The following GCN1 variants were observed in gnomAD, a reference collection of about 807,000 sequenced individuals.
GCN1 encodes the protein GCN1 activator of EIF2AK4.
Under a neutral mutation model 288.4 loss-of-function variants are expected in GCN1, and 90 were observed. The observed-to-expected ratio is 0.31, with a 90% CI of 0.26 to 0.37. The LOEUF is 0.37. Ranked by LOEUF, GCN1 falls within the 10% of genes least tolerant of loss-of-function variation. The probability of loss-of-function intolerance (pLI) is 1.00; values close to 1 mark genes in which losing one functional copy is unlikely to be tolerated. For missense variants in GCN1, 2,586 were observed against 3,419.9 expected (o/e 0.76, Z 6.08); for synonymous variants, 1,386 against 1,420.2 (o/e 0.98, Z 0.54).
rs993830436 is a variant in GCN1 at position 120,142,958 on chromosome 12, C to A, written c.5496-17G>T. On this transcript the variant is annotated splice_polypyrimidine_tract_variant and intron_variant, in intron 42 of 57. Transcript: ENST00000300648. This position sits in a 1 kb window ranked among gnomAD's most constrained non-coding sequence, Gnocchi z 4.9. ...GAGCTGAACCTGAGAAGGAGGCCAA[C>A]AACACAGTCACACAGCTGCAAGGAG... The A allele has an allele frequency of 2.0e-6, 3 of 1,468,482 alleles. No homozygotes were observed. The highest frequency in any genetic ancestry group is 2.8e-5 in the African/African-American group (2 of 72,176). The allele number at this position is 1,468,482 out of a possible 1,614,324, so 91.0% of individuals were successfully genotyped here. A position where few individuals can be genotyped will look rare whatever the true frequency, so the allele number is the denominator to read the frequency against.
chr12:120,150,297 T>C (rs939565994), intron 34 of GCN1, among the ~76,000 whole-genome samples: 1 of 151,992 alleles, frequency 6.6e-6, no homozygotes, highest in African/African-American at 2.4e-5. Flanking sequence ...GCACTAACAG[T>C]TAAAAAAGCC....
chr12:120,158,714 T>C lies in GCN1; in HGVS notation c.2750-99A>G, dbSNP rs1877831612. 2.6e-5 allele frequency: 28 copies of C among 1,061,980 alleles called. No homozygotes were observed. The highest frequency in any genetic ancestry group is 3.6e-5 in the Non-Finnish European group (27 of 744,360). 65.8% of individuals were successfully genotyped at this position (1,061,980 alleles called of 1,614,324 possible). A position where few individuals can be genotyped will look rare whatever the true frequency, so the allele number is the denominator to read the frequency against. On this transcript the variant is annotated intron_variant, in intron 24 of 57. Coordinates refer to ENST00000300648, the MANE Select transcript of GCN1 (RefSeq NM_006836.2). The surrounding 1 kb of genome is among the most constrained non-coding windows in gnomAD (Gnocchi z 4.3). ...GACCCAGTGCCTCATCCTTCTGACT[T>C]AAAAAAATATTTCTGCGGCTGGGCG...
At position 120,153,111 on chromosome 12, in the gene GCN1, G is replaced by A; in HGVS notation, c.4062+102C>T. Reference sequence around the variant, plus strand: ...TCCTTAACAAGAACTGGGCTTTCAGGGCCCTGATTGTCCAACTCCACCCCT... The same window carrying A: ...TCCTTAACAAGAACTGGGCTTTCAGAGCCCTGATTGTCCAACTCCACCCCT... On this transcript the variant is annotated intron_variant, in intron 33 of 57. Coordinates refer to ENST00000300648, the MANE Select transcript of GCN1 (RefSeq NM_006836.2). This position sits in a 1 kb window ranked among gnomAD's most constrained non-coding sequence, Gnocchi z 4.4. 5.4e-6 allele frequency: 5 copies of A among 924,432 alleles called. No individual in the cohort carries two copies. In the South Asian group the frequency reaches 6.5e-5, roughly 12 times the overall value. The allele number at this position is 924,432 out of a possible 1,614,324, so 57.3% of individuals were successfully genotyped here.
rs59527558 is a variant in GCN1 at position 120,178,386 on chromosome 12, G to A, written c.660+239C>T. On this transcript the variant is annotated intron_variant, in intron 7 of 57. Coordinates refer to ENST00000300648, the MANE Select transcript of GCN1 (RefSeq NM_006836.2). ...GCAGCCACTAAATTGGGATGAATAA[G>A]TGACTGCATGAACAAGCAAACTATC... Among the ~76,000 whole-genome samples, 260 of 145,790 alleles carry A rather than the reference G, an allele frequency of 1.8e-3. 4 individuals are homozygous for A. In the East Asian group the frequency reaches 0.045, roughly 25 times the overall value.
intron 16 of GCN1, among the ~76,000 whole-genome samples, 163 bp from the exon 17 acceptor site, chr12:120,164,884 T>C (rs531820403): frequency 1.3e-4 from 19 of 150,536 alleles, no homozygotes; most frequent in Non-Finnish European, 2.7e-4. Flanking sequence ...TTTTTGCTTA[T>C]GCACACATGT....
At chr12:120,157,402 A>C (rs188290522) in intron 26 of GCN1, among the ~76,000 whole-genome samples, 195 of 152,372 alleles carry the variant, frequency 1.3e-3, no homozygotes, top group Non-Finnish European at 2.4e-3. Flanking sequence ...TATGCCATAT[A>C]ATCTAGTAAT....
rs779711665 is a variant in GCN1 at position 120,137,259 on chromosome 12, T to C, written c.6724A>G (p.Ile2242Val). The part of the protein sequence containing the change: ...IEELHKEIRL[I>V]GNESKGEHVP... Reference sequence around the variant, plus strand: ...TGCTCGCCTTTGCTCTCGTTCCCTATGAGCCGGATTTCCTTGTGCAGCTCT... The same window carrying C: ...TGCTCGCCTTTGCTCTCGTTCCCTACGAGCCGGATTTCCTTGTGCAGCTCT... The change falls in exon 50 of 58, where the codon ATA becomes GTA. Residue 2242 changes from isoleucine (I) to valine (V), a missense_variant. This residue lies in a region of GCN1 where 437 missense variants were observed against 570.5 expected (regional missense o/e 0.77). Transcript: ENST00000300648. This position sits in a 1 kb window ranked among gnomAD's most constrained non-coding sequence, Gnocchi z 5.2. The C allele has an allele frequency of 6.2e-7, 1 of 1,614,186 alleles. No homozygotes were observed. Among genetic ancestry groups the C allele is most frequent in the Non-Finnish European group, 8.5e-7 (1 of 1,180,044 alleles).
At chr12:120,163,985 C>T (rs1021335762) in intron 18 of GCN1, among the ~76,000 whole-genome samples, 5 of 152,092 alleles carry the variant, frequency 3.3e-5, no homozygotes, top group Admixed American at 6.6e-5. Flanking sequence ...AAAAAATTAG[C>T]GGCCACTGCA....
intron 20 of GCN1, among the ~76,000 whole-genome samples, chr12:120,162,606 A>G (rs951463929): frequency 6.6e-6 from 1 of 152,200 alleles, no homozygotes; most frequent in African/African-American, 2.4e-5. Flanking sequence ...ATCACCTACA[A>G]TGTTCCAAGG....
intron 3 of GCN1, 122 bp downstream of exon 3, chr12:120,184,702 G>A (rs1199603257): frequency 1.5e-5 from 11 of 753,126 alleles, no homozygotes; most frequent in African/African-American, 1.7e-5. Context: ...CTAATGGCTA[G>A]GATGTGACAT....
chr12:120,132,694 T>C (rs920334564), intron 53 of GCN1, among the ~76,000 whole-genome samples: 1 of 152,212 alleles, frequency 6.6e-6, no homozygotes, highest in East Asian at 1.9e-4. Flanking sequence ...CAGCTAACTA[T>C]GGAATACCAA....
At position 120,176,186 on chromosome 12, in the gene GCN1, A is replaced by G. The variant is rs763229009; in HGVS notation, c.870T>C (p.Leu290=). The G allele has an allele frequency of 1.9e-6, 3 of 1,612,392 alleles. No individual in the cohort carries two copies. The highest frequency in any genetic ancestry group is 2.2e-5 in the South Asian group (2 of 91,042). Residue 290 remains leucine (L), a synonymous_variant, in exon 10 of 58, where the codon CTT becomes CTC. Coordinates refer to ENST00000300648, the MANE Select transcript of GCN1 (RefSeq NM_006836.2). ...TISSLLASVT[L]DLSQYAMDIV... ...TGTCCATGGCATACTGGCTGAGGTC[A>G]AGCGTCACTGATGCCAGCAGACTAG... is the stretch of plus-strand genomic sequence containing the variant.
rs115586635 is a variant in GCN1 at position 120,167,674 on chromosome 12, T to C, written c.1612+534A>G. Among the ~76,000 whole-genome samples, 808 of 152,278 alleles carry C rather than the reference T, an allele frequency of 5.3e-3. 7 individuals carry two copies. Among genetic ancestry groups the C allele is most frequent in the African/African-American group, 0.018 (766 of 41,530 alleles). On this transcript the variant is annotated intron_variant, in intron 16 of 57. Coordinates refer to ENST00000300648, the MANE Select transcript of GCN1 (RefSeq NM_006836.2). ...TTTTCAAAATTTAGCTAAAAATTTTTCTAAAACCAGGAAATGACTAACAGT... is the reference window on the plus strand; with the variant it reads ...TTTTCAAAATTTAGCTAAAAATTTTCCTAAAACCAGGAAATGACTAACAGT...
Position 120,156,739 on chromosome 12 carries a change from A to G in GCN1, c.3169-135T>C. On this transcript the variant is annotated intron_variant, in intron 27 of 57. Transcript: ENST00000300648. The surrounding 1 kb of genome is among the most constrained non-coding windows in gnomAD (Gnocchi z 5.8). ...GACCCCAGCTCCAGTGGCAGGACCC[A>G]AGCAAAACCCCTCACTAGCTAACAA... is the stretch of plus-strand genomic sequence containing the variant. 1.0e-6 allele frequency: 1 copy of G among 981,098 alleles called. No individual in the cohort carries two copies. The allele number at this position is 981,098 out of a possible 1,614,324, so 60.8% of individuals were successfully genotyped here.
chr12:120,172,109 C>T (rs1196193193), intron 14 of GCN1, among the ~76,000 whole-genome samples: 2 of 152,176 alleles, frequency 1.3e-5, no homozygotes, highest in African/African-American at 4.8e-5. Flanking sequence ...AGCAATCCTC[C>T]CACCTCAGCC....
Position 120,151,258 on chromosome 12 carries a change from T to A in GCN1, c.4196A>T (p.Tyr1399Phe). The change falls in exon 34 of 58, where the codon TAT becomes TTT. Residue 1399 changes from tyrosine to phenylalanine, a missense_variant. Physicochemically the swap from Tyr to Phe is conservative, Grantham distance 22. Around this residue, in one of 8 missense-constraint regions of GCN1, gnomAD observed 332 missense variants for 403.0 expected, o/e 0.82. Coordinates refer to ENST00000300648, the MANE Select transcript of GCN1 (RefSeq NM_006836.2). ...DKYAERKGAA[Y>F]GLAGLVKGLG... is the part of the protein sequence containing the mutation. ...GCCCTTCACCAGGCCCGCCAGGCCATAGGCGGCCCCTTTGCGCTCTGCGTA... is the reference window on the plus strand; with the variant it reads ...GCCCTTCACCAGGCCCGCCAGGCCAAAGGCGGCCCCTTTGCGCTCTGCGTA... 6.2e-7 allele frequency: 1 copy of A among 1,614,208 alleles called. No homozygotes were observed. The highest frequency in any genetic ancestry group is 8.5e-7 in the Non-Finnish European group (1 of 1,180,020).
At chr12:120,133,128 C>T (rs1311431711) in intron 53 of GCN1, among the ~76,000 whole-genome samples, 3 of 152,100 alleles carry the variant, frequency 2.0e-5, no homozygotes, top group Admixed American at 2.0e-4. Flanking sequence ...CGCCTGGGGA[C>T]CAGAACTAGG....
intron 51 of GCN1, among the ~76,000 whole-genome samples, chr12:120,135,078 G>C (rs1433348944): frequency 2.0e-5 from 3 of 152,150 alleles, no homozygotes; most frequent in African/African-American, 7.2e-5. Flanking sequence ...TAACAAGCAG[G>C]GCAGACTATC....
In GCN1 at chr12:120,153,489, G is replaced by T. The variant is rs1234639059; in HGVS notation, c.3868-82C>A. 2 of 1,282,172 alleles carry T rather than the reference G, an allele frequency of 1.6e-6. No homozygotes were observed. The highest frequency in any genetic ancestry group is 2.2e-6 in the Non-Finnish European group (2 of 917,756). 79.4% of individuals were successfully genotyped at this position (1,282,172 alleles called of 1,614,324 possible). ...CAACAGTCCCTGCCCTGAGGACCAA[G>T]ACCAAGTCTAGCTCTGGGACAGGCA... On this transcript the variant is annotated intron_variant, in intron 32 of 57. Transcript: ENST00000300648. The surrounding 1 kb of genome is among the most constrained non-coding windows in gnomAD (Gnocchi z 4.4).
Sources: gnomAD v4.1 joint callset for allele counts (sites outside exome capture counted in the v4.1 genomes callset) on GRCh38, gnomAD v4.1.1 for gene constraint, gnomAD v4.1.1 regional missense constraint, Gnocchi (gnomAD v3.1) non-coding constraint, MANE v1.5 for transcripts, NCBI Gene and HGNC (gene_info 2026-07-23, HGNC 2026-07-21) for gene names.